TP63: variants seen among roughly 807,000 people sequenced by gnomAD.
TP63 encodes the protein tumor protein 63.
A neutral mutation model predicts 82.8 loss-of-function variants in TP63; 17 were observed. The observed-to-expected ratio is 0.21, with a 90% confidence interval of 0.14 to 0.31. TP63 has a LOEUF of 0.31. Ranked by LOEUF, TP63 falls within the 10% of genes least tolerant of loss-of-function variation. The pLI, the probability that TP63 is intolerant of heterozygous loss-of-function variation, is 1.00. For missense variants in TP63, 648 were observed against 895.3 expected, an observed-to-expected ratio of 0.72 and a Z score of 3.52; for synonymous variants, 330 against 321.7, an observed-to-expected ratio of 1.03 and a Z score of -0.28.
At chr3:189,669,777 A>T (rs1714732175) in intron 1 of TP63, among the ~76,000 whole-genome samples, 1 of 152,050 alleles carries the variant, frequency 6.6e-6, no homozygotes, top group Non-Finnish European at 1.5e-5. Flanking sequence ...AAATAAAAAG[A>T]GATATAGTAA....
intron 4 of TP63, among the ~76,000 whole-genome samples, chr3:189,810,579 C>T (rs766534969): frequency 1.3e-5 from 2 of 152,002 alleles, no homozygotes; most frequent in South Asian, 2.1e-4. Context: ...TCTTAAAAGC[C>T]GGGCGTGGTG....
intron 4 of TP63, among the ~76,000 whole-genome samples, chr3:189,834,672 C>T (rs1712860775): frequency 6.6e-6 from 1 of 152,208 alleles, no homozygotes; most frequent in Admixed American, 6.5e-5. Flanking sequence ...TCGCTTTCAT[C>T]TGTCTGGTGA....
intron 3 of TP63, among the ~76,000 whole-genome samples, chr3:189,786,263 C>T (rs1237013553): frequency 6.6e-6 from 1 of 151,760 alleles, no homozygotes; most frequent in Non-Finnish European, 1.5e-5. Context: ...TTCAAAAATC[C>T]TAATATTGTA....
At chr3:189,657,832 T>C (rs558585526) in intron 1 of TP63, among the ~76,000 whole-genome samples, 3 of 152,232 alleles carry the variant, frequency 2.0e-5, no homozygotes, top group East Asian at 3.9e-4. Context: ...ATTTCCTTGC[T>C]CTACCAACTG....
At chr3:189,837,415 T>A (rs1477404710) in intron 4 of TP63, among the ~76,000 whole-genome samples, 4 of 152,200 alleles carry the variant, frequency 2.6e-5, no homozygotes, top group Admixed American at 2.6e-4. Flanking sequence ...GAATTAAATT[T>A]GAAATTTCCA....
At chr3:189,880,002 T>C (rs1456653887) in intron 10 of TP63, 7 of 1,582,976 alleles carry the variant, frequency 4.4e-6, no homozygotes, top group South Asian at 1.2e-5. Context: ...CTGAATTCAA[T>C]TGATTTGAAT....
chr3:189,607,443 G>C, the TP63 span, among the ~76,000 whole-genome samples: 61 of 152,020 alleles, frequency 4.0e-4, no homozygotes, highest in Non-Finnish European at 7.8e-4. Flanking sequence ...AATAGAAAAA[G>C]GTTATTTGTG....
chr3:189,827,699 A>G (rs1711620297), intron 4 of TP63, among the ~76,000 whole-genome samples: 1 of 152,190 alleles, frequency 6.6e-6, no homozygotes, highest in South Asian at 2.1e-4. Context: ...GGACCATAGA[A>G]AGTTTGCAGG....
At chr3:189,760,881 G>T (rs1193871986) in intron 3 of TP63, among the ~76,000 whole-genome samples, 1 of 152,166 alleles carries the variant, frequency 6.6e-6, no homozygotes, top group Non-Finnish European at 1.5e-5. Flanking sequence ...CTCAGTTCTT[G>T]ACTTCTGTGC....
chr3:189,640,581 A>T (rs986805340), intron 1 of TP63, among the ~76,000 whole-genome samples: 4 of 152,156 alleles, frequency 2.6e-5, no homozygotes, highest in Non-Finnish European at 5.9e-5. Flanking sequence ...GGCTTCAGTG[A>T]TGCTCTATAA....
chr3:189,883,127 G>T (rs1346026585), intron 10 of TP63, among the ~76,000 whole-genome samples: 1 of 152,018 alleles, frequency 6.6e-6, no homozygotes, highest in African/African-American at 2.4e-5. Context: ...CTTCTCTTTA[G>T]TTTCTCCAGA....
At chr3:189,656,100 C>CT (rs1265102640) in intron 1 of TP63, among the ~76,000 whole-genome samples, 3 of 152,044 alleles carry the variant, frequency 2.0e-5, no homozygotes, top group Non-Finnish European at 4.4e-5. Flanking sequence ...AAAATATTTA[C>CT]TTTTTTTATC....
At chr3:189,823,414 G>A (rs1729000455) in intron 4 of TP63, among the ~76,000 whole-genome samples, 1 of 152,164 alleles carries the variant, frequency 6.6e-6, no homozygotes, top group African/African-American at 2.4e-5. Context: ...GTTGGTTGGA[G>A]GGGCCTGCAG....
intron 1 of TP63, among the ~76,000 whole-genome samples, chr3:189,686,741 T>G (rs1443605482): frequency 6.7e-6 from 1 of 149,488 alleles, no homozygotes; most frequent in Admixed American, 6.6e-5. Context: ...GTTTTTTTTT[T>G]TTTTTTTGAG....
At chr3:189,719,713 G>A (rs1560133161) in intron 1 of TP63, among the ~76,000 whole-genome samples, 1 of 152,192 alleles carries the variant, frequency 6.6e-6, no homozygotes, top group Non-Finnish European at 1.5e-5. Context: ...ATGAGAGTAT[G>A]TGGGTAGCAG....
chr3:189,666,414 A>G (rs1445050430), intron 1 of TP63, among the ~76,000 whole-genome samples: 1 of 152,116 alleles, frequency 6.6e-6, no homozygotes, highest in East Asian at 1.9e-4. Context: ...ATATGAAGTT[A>G]TTTATTCTGT....
At chr3:189,633,563 A>T (rs1560073136) in intron 1 of TP63, among the ~76,000 whole-genome samples, 2 of 152,068 alleles carry the variant, frequency 1.3e-5, no homozygotes, top group Non-Finnish European at 2.9e-5. Flanking sequence ...ACATGATCTC[A>T]TTCTTTTTTA....
chr3:189,876,931 A>G (rs76705522), intron 10 of TP63, among the ~76,000 whole-genome samples: 2,207 of 152,264 alleles, frequency 0.014, 24 homozygotes, highest in Non-Finnish European at 0.026. Context: ...TCAATTTTGT[A>G]TTTTTCTTTA....
chr3:189,885,083 C>A (rs1003499631), intron 10 of TP63, among the ~76,000 whole-genome samples: 3 of 152,276 alleles, frequency 2.0e-5, no homozygotes, highest in African/African-American at 7.2e-5. Flanking sequence ...AAATTTGTCT[C>A]CCCTCTAATG....
Sources: allele counts gnomAD v4.1 joint callset (sites outside exome capture counted in the v4.1 genomes callset), GRCh38; gene constraint gnomAD v4.1.1; transcripts MANE v1.5; gene names NCBI Gene and HGNC (gene_info 2026-07-23, HGNC 2026-07-21).